SNX25: variants seen among roughly 807,000 people sequenced by gnomAD.
The protein encoded by SNX25 is sorting nexin 25.
In SNX25, 62 loss-of-function variants were observed where a neutral mutation model predicts 113.7. The ratio of observed to expected loss-of-function variants is 0.55; its 90% CI spans 0.44 to 0.67. The LOEUF is 0.67. Ranked by LOEUF, SNX25 falls within the 30% of genes least tolerant of loss-of-function variation. The pLI, the probability that SNX25 is intolerant of heterozygous loss-of-function variation, is 0.00. For synonymous variants in SNX25, 421 were observed against 436.2 expected, an observed-to-expected ratio of 0.97 and a Z score of 0.43; for missense variants, 1,014 against 1,161.0, an observed-to-expected ratio of 0.87 and a Z score of 1.84.
intron 6 of SNX25, among the ~76,000 whole-genome samples, chr4:185,301,980 A>G (rs1433137900): frequency 2.0e-5 from 3 of 150,548 alleles, no homozygotes; most frequent in African/African-American, 7.4e-5. Context: ...GCTCACTGCA[A>G]CCTCTGCCTC....
chr4:185,294,842 A>G (rs1444704945), intron 6 of SNX25, among the ~76,000 whole-genome samples: 2 of 152,158 alleles, frequency 1.3e-5, no homozygotes, highest in African/African-American at 2.4e-5. Context: ...AAGAAAAAAT[A>G]AGAACAAATT....
intron 1 of SNX25, among the ~76,000 whole-genome samples, chr4:185,243,457 A>G (rs1277956433): frequency 6.6e-6 from 1 of 152,114 alleles, no homozygotes; most frequent in African/African-American, 2.4e-5. Context: ...CAAAAAACTT[A>G]AAACATAGCG....
the SNX25 span, among the ~76,000 whole-genome samples, chr4:185,375,231 A>T: frequency 6.6e-6 from 1 of 150,720 alleles, no homozygotes; most frequent in Non-Finnish European, 1.5e-5. Flanking sequence ...ATGCACCACC[A>T]TGCCTGGCTA....
intron 11 of SNX25, among the ~76,000 whole-genome samples, chr4:185,340,701 T>C (rs1350455568): frequency 6.6e-6 from 1 of 151,702 alleles, no homozygotes; most frequent in Non-Finnish European, 1.5e-5. Context: ...CACTTCACAG[T>C]GTATTAAAAT....
intron 7 of SNX25, among the ~76,000 whole-genome samples, chr4:185,320,193 A>G (rs1311929862): frequency 6.6e-6 from 1 of 152,216 alleles, no homozygotes; most frequent in Non-Finnish European, 1.5e-5. Flanking sequence ...TTATTGCAGC[A>G]CTGTTTACAA....
intron 1 of SNX25, among the ~76,000 whole-genome samples, chr4:185,234,079 C>T (rs893380055): frequency 6.6e-6 from 1 of 151,996 alleles, no homozygotes; most frequent in Non-Finnish European, 1.5e-5. Flanking sequence ...AGGATGGTCT[C>T]GATCTCCTGA....
chr4:185,373,458 C>G (rs528322130), downstream of SNX25, among the ~76,000 whole-genome samples: 1 of 152,218 alleles, frequency 6.6e-6, no homozygotes, highest in East Asian at 1.9e-4. Flanking sequence ...AGGGAGAGTT[C>G]GAGCTCCCGG....
downstream of SNX25, chr4:185,371,049 A>G (rs368803284): frequency 5.3e-4 from 224 of 419,426 alleles, no homozygotes; most frequent in African/African-American, 4.1e-3. Context: ...AGGCTCAATA[A>G]CCACTGGAAA....
In SNX25 at chr4:185,346,598, T is replaced by G. The variant is rs368932876; in HGVS notation, c.2249T>G (p.Ile750Arg). 1.3e-6 allele frequency: 2 copies of G among 1,594,208 alleles called. No individual in the cohort carries two copies. The highest frequency in any genetic ancestry group is 1.7e-6 in the Non-Finnish European group (2 of 1,174,674). The change falls in exon 13 of 19, where the codon ATA (isoleucine) becomes AGA (arginine). Residue 750 changes from isoleucine to arginine, a missense_variant. By Grantham distance (97) the Ile-to-Arg change is moderately conservative. Transcript: ENST00000652585. ...CTTAGCAAGCTGCCTTTCAAATCTATAGATCAAAAGTTTATGGAAAAGTCG... is the reference window on the plus strand; with the variant it reads ...CTTAGCAAGCTGCCTTTCAAATCTAGAGATCAAAAGTTTATGGAAAAGTCG... Reference protein sequence around the residue: ...PSLSKLPFKSIDQKFMEKSKN... With the variant: ...PSLSKLPFKSRDQKFMEKSKN...
chr4:185,242,118 C>T (rs1023494434), intron 1 of SNX25, among the ~76,000 whole-genome samples: 1 of 152,158 alleles, frequency 6.6e-6, no homozygotes, highest in Non-Finnish European at 1.5e-5. Flanking sequence ...TGAGGAGATT[C>T]TGGCTTCAGA....
At chr4:185,240,643 C>CG (rs571501281) in intron 1 of SNX25, among the ~76,000 whole-genome samples, 14,000 of 146,386 alleles carry the variant, frequency 0.096, 731 homozygotes, top group African/African-American at 0.12. Context: ...GCTGGCTGGG[C>CG]GGGGGGCTAA....
intron 6 of SNX25, among the ~76,000 whole-genome samples, chr4:185,300,455 A>T (rs750999502): frequency 6.6e-6 from 1 of 150,672 alleles, no homozygotes; most frequent in Non-Finnish European, 1.5e-5. Context: ...GGTGTGAGCC[A>T]CCGCGCCTGG....
intron 5 of SNX25, among the ~76,000 whole-genome samples, chr4:185,276,787 G>A (rs1749760627): frequency 6.6e-6 from 1 of 152,170 alleles, no homozygotes; most frequent in Non-Finnish European, 1.5e-5. Context: ...CTGTCTCCCT[G>A]GCAGGTCCAG....
intron 6 of SNX25, among the ~76,000 whole-genome samples, chr4:185,305,082 G>A (rs569191426): frequency 2.0e-5 from 3 of 152,120 alleles, no homozygotes; most frequent in Non-Finnish European, 4.4e-5. Context: ...GGGCCAGGTG[G>A]AGGGTAGGAG....
At chr4:185,316,296 T>A (rs1561004170) in intron 7 of SNX25, among the ~76,000 whole-genome samples, 1 of 152,186 alleles carries the variant, frequency 6.6e-6, no homozygotes, top group Non-Finnish European at 1.5e-5. Context: ...CCGAACAACC[T>A]GGAAAGTAGA....
chr4:185,317,826 C>G (rs992465529), intron 7 of SNX25, among the ~76,000 whole-genome samples: 2 of 152,024 alleles, frequency 1.3e-5, no homozygotes, highest in African/African-American at 4.8e-5. Flanking sequence ...AGAACAAATA[C>G]CTAATGCATG....
chr4:185,210,786 G>T lies in SNX25; in HGVS notation c.429+531G>T, dbSNP rs1398883603. Among the ~76,000 whole-genome samples the T allele has an allele frequency of 6.6e-6, 1 of 152,016 alleles. No homozygotes were observed. Among genetic ancestry groups the T allele is most frequent in the Non-Finnish European group, 1.5e-5 (1 of 68,002 alleles). On this transcript the variant is annotated intron_variant, in intron 1 of 18. Coordinates refer to ENST00000652585, the MANE Select transcript of SNX25 (RefSeq NM_001378034.2). This position sits in a 1 kb window ranked among gnomAD's most constrained non-coding sequence, Gnocchi z 4.4. Reference sequence around the variant, plus strand: ...ATCCTGCCTTCCACCATGCGGATACGTATTATAGTTGTGCAGTCCCCGCTG... The same window carrying T: ...ATCCTGCCTTCCACCATGCGGATACTTATTATAGTTGTGCAGTCCCCGCTG...
chr4:185,335,807 A>G (rs2095226418), intron 10 of SNX25, among the ~76,000 whole-genome samples: 1 of 152,236 alleles, frequency 6.6e-6, no homozygotes, highest in Admixed American at 6.5e-5. Context: ...CACTGTGAAG[A>G]ATCAGTGTAA....
At chr4:185,223,194 A>G (rs1398819414) in intron 1 of SNX25, among the ~76,000 whole-genome samples, 2 of 152,148 alleles carry the variant, frequency 1.3e-5, no homozygotes, top group Admixed American at 1.3e-4. Context: ...CTTTATAGGA[A>G]TCACTTCCTT....
Sources: gnomAD v4.1 joint callset for allele counts (sites outside exome capture counted in the v4.1 genomes callset) on GRCh38, gnomAD v4.1.1 for gene constraint, Gnocchi (gnomAD v3.1) non-coding constraint, MANE v1.5 for transcripts, NCBI Gene and HGNC (gene_info 2026-07-23, HGNC 2026-07-21) for gene names.